CNOT7: variants seen among roughly 807,000 people sequenced by gnomAD.
The protein encoded by CNOT7 is CCR4-NOT transcription complex subunit 7.
In CNOT7, 4 loss-of-function variants were observed where a neutral mutation model predicts 37.1. The ratio of observed to expected loss-of-function variants is 0.11; its 90% CI spans 0.05 to 0.25. CNOT7 has a LOEUF of 0.25. CNOT7 is among the 10% of genes least tolerant of loss of function. CNOT7 has a pLI of 1.00. For missense variants in CNOT7, 170 were observed against 336.2 expected (o/e 0.51, Z 3.87); for synonymous variants, 128 against 115.6 (o/e 1.11, Z -0.69).
intron 3 of CNOT7, among the ~76,000 whole-genome samples, chr8:17,238,396 A>C (rs1051608833): frequency 3.3e-5 from 5 of 152,212 alleles, no homozygotes; most frequent in African/African-American, 1.2e-4. Flanking sequence ...GAAAAATTAC[A>C]AAACAATGGA....
rs1344607541 is a variant in CNOT7, at chr8:17,225,442, G to A, written c.*5278C>T. 6.6e-6 allele frequency: 1 copy of A among 151,734 alleles called. No individual in the cohort carries two copies. The highest frequency in any genetic ancestry group is 1.5e-5 in the Non-Finnish European group (1 of 67,704). The allele number at this position is 151,734 out of a possible 1,614,324, so 9.4% of individuals were successfully genotyped here. A position where few individuals can be genotyped will look rare whatever the true frequency, so the allele number is the denominator to read the frequency against. ...AAATGAGTAATTCTGGAGAAATGTA[G>A]CTTGTTCATTCACCTACAGACTATG... On this transcript the variant is annotated 3_prime_UTR_variant, in exon 7 of 7. Transcript: ENST00000361272.
At chr8:17,231,583 C>T in intron 6 of CNOT7, 3 of 985,020 alleles carry the variant, frequency 3.0e-6, no homozygotes, top group Non-Finnish European at 3.6e-6. Context: ...TTCTCAGTCT[C>T]AATTTAATGT....
rs951384290 is a variant in CNOT7 at position 17,227,415 on chromosome 8, T to A, written c.*3305A>T. On this transcript the variant is annotated 3_prime_UTR_variant, in exon 7 of 7. Coordinates refer to ENST00000361272, the MANE Select transcript of CNOT7 (RefSeq NM_013354.7). ...AAAGAATTAACAGTGTCATTTGATG[T>A]TGTGTCCAAAATCCTCATTCTTCAA... 1 of 151,924 alleles carries A rather than the reference T, an allele frequency of 6.6e-6. No individual in the cohort carries two copies. Among genetic ancestry groups the A allele is most frequent in the East Asian group, 1.9e-4 (1 of 5,188 alleles). 9.4% of individuals were successfully genotyped at this position (151,924 alleles called of 1,614,324 possible). A position where few individuals can be genotyped will look rare whatever the true frequency, so the allele number is the denominator to read the frequency against.
chr8:17,237,447 A>G (rs761824795), intron 3 of CNOT7, 74 bp from the exon 4 acceptor site: 69 of 1,385,858 alleles, frequency 5.0e-5, no homozygotes, highest in Non-Finnish European at 6.1e-5. Flanking sequence ...GCTTACATCT[A>G]TAACTACAGT....
At chr8:17,236,925 C>T (rs181203036) in intron 4 of CNOT7, among the ~76,000 whole-genome samples, 14 of 152,246 alleles carry the variant, frequency 9.2e-5, no homozygotes, top group Non-Finnish European at 1.6e-4. Flanking sequence ...CTGGGTAACA[C>T]CAATTCCAAA....
In CNOT7 at chr8:17,226,035, T is replaced by G. The variant is rs1808134210; in HGVS notation, c.*4685A>C. ...AGTAGAGAGGTGGACAAGCCTTTTT[T>G]TTTTTTTTTTTTTTTTTTTTGAAAA... On this transcript the variant is annotated 3_prime_UTR_variant, in exon 7 of 7. Transcript: ENST00000361272. The G allele has an allele frequency of 7.2e-6, 1 of 138,228 alleles. No individual in the cohort carries two copies. Among genetic ancestry groups the G allele is most frequent in the African/African-American group, 2.7e-5 (1 of 37,054 alleles). The allele number at this position is 138,228 out of a possible 1,614,324, so 8.6% of individuals were successfully genotyped here. A position where few individuals can be genotyped will look rare whatever the true frequency, so the allele number is the denominator to read the frequency against.
chr8:17,231,718 T>C (rs1808641213), intron 6 of CNOT7: 2 of 985,442 alleles, frequency 2.0e-6, no homozygotes, highest in Non-Finnish European at 2.4e-6. Flanking sequence ...GGTGTATCTG[T>C]GCACATCACT....
chr8:17,230,514 A>C lies in CNOT7; in HGVS notation c.*206T>G, dbSNP rs1390797516. The stretch of plus-strand genomic sequence containing the variant: ...TAACAAGTATATTAAATTAAGGCCA[A>C]ATTTAACCTGAATGCGTTTTTTTTT... On this transcript the variant is annotated 3_prime_UTR_variant, in exon 7 of 7. Transcript: ENST00000361272. 2.8e-6 allele frequency: 1 copy of C among 352,430 alleles called. No individual in the cohort carries two copies. Among genetic ancestry groups the C allele is most frequent in the African/African-American group, 2.1e-5 (1 of 47,176 alleles). The allele number at this position is 352,430 out of a possible 1,614,324, so 21.8% of individuals were successfully genotyped here. A position where few individuals can be genotyped will look rare whatever the true frequency, so the allele number is the denominator to read the frequency against.
chr8:17,231,745 G>C (rs1007787391), intron 6 of CNOT7: 4 of 985,266 alleles, frequency 4.1e-6, no homozygotes, highest in Admixed American at 6.2e-5. Context: ...CTTAGGAGTA[G>C]ATAATGGGTT....
chr8:17,232,342 T>G, intron 6 of CNOT7, 85 bp downstream of exon 6: 1 of 1,607,974 alleles, frequency 6.2e-7, no homozygotes, highest in Non-Finnish European at 8.5e-7. Flanking sequence ...TAGTAGGTAC[T>G]TGTTGCCCAA....
At chr8:17,243,349 C>A in intron 2 of CNOT7, 164 bp from the exon 3 acceptor site, 1 of 645,148 alleles carries the variant, frequency 1.6e-6, no homozygotes, top group Non-Finnish European at 2.7e-6. Flanking sequence ...CTTTTTAGAA[C>A]CATAAAACTC....
chr8:17,243,799 C>G (rs533941182), intron 2 of CNOT7, among the ~76,000 whole-genome samples: 1 of 152,168 alleles, frequency 6.6e-6, no homozygotes, highest in Non-Finnish European at 1.5e-5. Flanking sequence ...CTATGAATTT[C>G]CATTGGTTAA....
intron 4 of CNOT7, among the ~76,000 whole-genome samples, 178 bp from the exon 5 acceptor site, chr8:17,235,038 G>A (rs572074333): frequency 1.2e-4 from 18 of 152,188 alleles, no homozygotes; most frequent in Admixed American, 2.6e-4. Context: ...AGAAAATGTC[G>A]TCATCTTACA....
intron 3 of CNOT7, chr8:17,241,855 T>C (rs1380792011): frequency 6.6e-6 from 1 of 152,198 alleles, no homozygotes; most frequent in Non-Finnish European, 1.5e-5. Flanking sequence ...AAAATACTTC[T>C]AATATTAAAC....
chr8:17,231,559 CA>C (rs998772409), intron 6 of CNOT7: 1 of 985,070 alleles, frequency 1.0e-6, no homozygotes, highest in East Asian at 1.1e-4. Context: ...TACATTGCTA[CA>C]AAAAGTTTTA....
rs972239406 is a variant in CNOT7 at position 17,229,472 on chromosome 8, A to G, written c.*1248T>C. ...TAGTCCATCATTTCGGGGTAGAGTTAATGATTACCGTAAAGTCTTCCTACA... is the reference window on the plus strand; with the variant it reads ...TAGTCCATCATTTCGGGGTAGAGTTGATGATTACCGTAAAGTCTTCCTACA... On this transcript the variant is annotated 3_prime_UTR_variant, in exon 7 of 7. Transcript: ENST00000361272. The G allele has an allele frequency of 2.6e-5, 4 of 152,210 alleles. No individual in the cohort carries two copies. Among genetic ancestry groups the G allele is most frequent in the African/African-American group, 9.7e-5 (4 of 41,384 alleles). The allele number at this position is 152,210 out of a possible 1,614,324, so 9.4% of individuals were successfully genotyped here. A position where few individuals can be genotyped will look rare whatever the true frequency, so the allele number is the denominator to read the frequency against.
At chr8:17,230,890 CA>C (rs2150966942) in intron 6 of CNOT7, 42 bp from the exon 7 acceptor site, 2 of 1,384,956 alleles carry the variant, frequency 1.4e-6, no homozygotes, top group South Asian at 1.3e-5. Context: ...TAATTTTAAC[CA>C]AAAGGAACCA....
intron 4 of CNOT7, 113 bp from the exon 5 acceptor site, chr8:17,234,973 A>T: frequency 1.2e-6 from 1 of 825,390 alleles, no homozygotes; most frequent in South Asian, 1.9e-5. Flanking sequence ...CCTCCCAAAA[A>T]CATTAAAGAG....
chr8:17,243,962 A>C (rs547150243), intron 2 of CNOT7, among the ~76,000 whole-genome samples: 2 of 152,238 alleles, frequency 1.3e-5, no homozygotes, highest in Non-Finnish European at 2.9e-5. Flanking sequence ...ACAAAGATAC[A>C]TCGGTTTAGT....
Sources: gnomAD v4.1 joint callset for allele counts (sites outside exome capture counted in the v4.1 genomes callset) on GRCh38, gnomAD v4.1.1 for gene constraint, MANE v1.5 for transcripts, NCBI Gene and HGNC (gene_info 2026-07-23, HGNC 2026-07-21) for gene names.